The following CSMD1 variants were observed in gnomAD, a reference collection of about 807,000 sequenced individuals.
CSMD1 encodes the protein CUB and sushi domain-containing protein 1.
Under a neutral mutation model 417.5 loss-of-function variants are expected in CSMD1, and 213 were observed. The ratio of observed to expected loss-of-function variants is 0.51; its 90% confidence interval spans 0.46 to 0.57. CSMD1 has a LOEUF of 0.57. Among genes scored for constraint, CSMD1 ranks in the 20% least tolerant of loss-of-function variants. CSMD1 has a pLI of 0.00. For missense variants in CSMD1, 6,923 were observed against 4,529.7 expected, an observed-to-expected ratio of 1.53 and a Z score of -15.17; for synonymous variants, 2,862 against 1,736.8, an observed-to-expected ratio of 1.65 and a Z score of -16.11.
intron 1 of CSMD1, among the ~76,000 whole-genome samples, chr8:4,934,410 G>T (rs779584707): frequency 9.2e-5 from 14 of 152,098 alleles, no homozygotes; most frequent in East Asian, 5.8e-4. Context: ...AATTCAGGAA[G>T]GCATTCTATC....
chr8:4,932,460 A>G (rs1440272055), intron 1 of CSMD1, among the ~76,000 whole-genome samples: 1 of 152,198 alleles, frequency 6.6e-6, no homozygotes, highest in Non-Finnish European at 1.5e-5. Context: ...TGTCTTAAAG[A>G]GAAATAATAT....
rs184961975 is a variant in CSMD1, at chr8:4,397,072, G to A, written c.415+22881C>T. Among the ~76,000 whole-genome samples, 626 of 151,866 alleles carry A rather than the reference G, an allele frequency of 4.1e-3. 4 individuals are homozygous for A. Among genetic ancestry groups the A allele is most frequent in the African/African-American group, 0.014 (594 of 41,416 alleles). ...AAAATTATTACCCTTCTCAAATTAT[G>A]CACACTTCCCCATCTCTCTTTTCCC... On this transcript the variant is annotated intron_variant, in intron 3 of 69. Transcript: ENST00000635120.
chr8:3,753,937 C>A lies in CSMD1; in HGVS notation c.924G>T (p.Gln308His), dbSNP rs774679523. 6.2e-6 allele frequency: 10 copies of A among 1,605,440 alleles called. No homozygotes were observed. In the Admixed American group the frequency reaches 1.0e-4, roughly 16 times the overall value. Residue 308 changes from glutamine (Q) to histidine (H), a missense_variant, in exon 6 of 70, where the codon CAG (glutamine) becomes CAT (histidine). Coordinates refer to ENST00000635120, the MANE Select transcript of CSMD1 (RefSeq NM_033225.6). ...AAGATGGAGCATCCTTACCTTGGAA[C>A]TGAGCGTTAAATCCTTTGCGTCGGT... ...SNHRRKGFNA[Q>H]FQVKKAIELK...
At chr8:3,782,079 A>G (rs1799214956) in intron 5 of CSMD1, among the ~76,000 whole-genome samples, 2 of 152,222 alleles carry the variant, frequency 1.3e-5, no homozygotes, top group Non-Finnish European at 2.9e-5. Flanking sequence ...AGAGTTTGAT[A>G]AAATAAACAA....
intron 1 of CSMD1, among the ~76,000 whole-genome samples, chr8:4,780,064 T>C (rs1283299621): frequency 6.6e-6 from 1 of 152,212 alleles, no homozygotes; most frequent in Non-Finnish European, 1.5e-5. Context: ...ATGGGGCACG[T>C]ACTTCAGGAT....
intron 2 of CSMD1, among the ~76,000 whole-genome samples, chr8:4,601,954 G>A (rs1275542795): frequency 6.6e-6 from 1 of 152,068 alleles, no homozygotes. Context: ...AGGTGCTGGA[G>A]GAACCTCCTC....
chr8:3,661,068 G>T (rs1420941883), intron 7 of CSMD1, among the ~76,000 whole-genome samples: 1 of 152,162 alleles, frequency 6.6e-6, no homozygotes, highest in Non-Finnish European at 1.5e-5. Context: ...GCTCAGAGAA[G>T]GAGAAAACAA....
chr8:4,842,122 C>A lies in CSMD1; in HGVS notation c.85+152210G>T, dbSNP rs191349664. Among the ~76,000 whole-genome samples, 298 of 152,230 alleles carry A rather than the reference C, an allele frequency of 2.0e-3. 1 individual carries two copies. Among genetic ancestry groups the A allele is most frequent in the African/African-American group, 7.0e-3 (289 of 41,544 alleles). On this transcript the variant is annotated intron_variant, in intron 1 of 69. Coordinates refer to ENST00000635120, the MANE Select transcript of CSMD1 (RefSeq NM_033225.6). ...ATGAGAGATGTAAAAAGGTGCAAGGCACCAGCCAAACCGCCTTAGAACTTG... is the reference window on the plus strand; with the variant it reads ...ATGAGAGATGTAAAAAGGTGCAAGGAACCAGCCAAACCGCCTTAGAACTTG...
intron 53 of CSMD1, among the ~76,000 whole-genome samples, chr8:2,999,400 T>G (rs1431452250): frequency 1.3e-5 from 2 of 152,134 alleles, no homozygotes; most frequent in Non-Finnish European, 2.9e-5. Flanking sequence ...GTGATCCACC[T>G]GCCTCAGCCT....
At chr8:3,871,973 T>A (rs1291408542) in intron 5 of CSMD1, among the ~76,000 whole-genome samples, 1 of 152,224 alleles carries the variant, frequency 6.6e-6, no homozygotes, top group African/African-American at 2.4e-5. Context: ...ATTTGTGAGC[T>A]ACAAACCTGC....
intron 18 of CSMD1, among the ~76,000 whole-genome samples, chr8:3,372,496 G>A (rs979637644): frequency 1.3e-5 from 2 of 152,156 alleles, no homozygotes; most frequent in African/African-American, 4.8e-5. Flanking sequence ...CCGAACCAGG[G>A]CATTGGCAGC....
intron 3 of CSMD1, among the ~76,000 whole-genome samples, chr8:4,113,352 G>A (rs1418853530): frequency 1.4e-5 from 2 of 147,468 alleles, no homozygotes; most frequent in Non-Finnish European, 3.0e-5. Flanking sequence ...GCCAAGCTGT[G>A]AGTGCAAATA....
intron 11 of CSMD1, among the ~76,000 whole-genome samples, chr8:3,487,604 G>C (rs1448494437): frequency 6.6e-6 from 1 of 152,080 alleles, no homozygotes; most frequent in Non-Finnish European, 1.5e-5. Flanking sequence ...GGGTAAATTT[G>C]GTGTATAAAT....
intron 37 of CSMD1, among the ~76,000 whole-genome samples, chr8:3,176,030 G>T (rs961202490): frequency 6.6e-6 from 1 of 152,098 alleles, no homozygotes; most frequent in Non-Finnish European, 1.5e-5. Flanking sequence ...ATTTTGGATA[G>T]ATGTCATTAG....
intron 3 of CSMD1, among the ~76,000 whole-genome samples, chr8:4,206,965 G>C (rs1800015937): frequency 6.6e-6 from 1 of 152,216 alleles, no homozygotes; most frequent in East Asian, 1.9e-4. Flanking sequence ...ATTTCATATA[G>C]ATGTGGATAA....
intron 3 of CSMD1, among the ~76,000 whole-genome samples, chr8:4,043,923 G>A (rs1013287727): frequency 6.6e-6 from 1 of 152,058 alleles, no homozygotes; most frequent in Non-Finnish European, 1.5e-5. Context: ...ATAGACCTAT[G>A]ATATTTCCAC....
chr8:3,631,454 T>C (rs1248623511), intron 7 of CSMD1, among the ~76,000 whole-genome samples: 2 of 152,110 alleles, frequency 1.3e-5, no homozygotes, highest in African/African-American at 4.8e-5. Flanking sequence ...AGGTCAAGAA[T>C]AGGCAGATAA....
chr8:3,220,972 T>C (rs536474686), intron 28 of CSMD1, among the ~76,000 whole-genome samples: 1 of 152,308 alleles, frequency 6.6e-6, no homozygotes, highest in Admixed American at 6.5e-5. Context: ...CTCCCTTTCC[T>C]TTCCAACTGC....
intron 3 of CSMD1, among the ~76,000 whole-genome samples, chr8:4,057,317 T>C (rs561825478): frequency 6.6e-6 from 1 of 152,228 alleles, no homozygotes; most frequent in East Asian, 1.9e-4. Context: ...GCTTTTTGGC[T>C]GCATAAATGT....
Sources: allele counts gnomAD v4.1 joint callset (sites outside exome capture counted in the v4.1 genomes callset), GRCh38; gene constraint gnomAD v4.1.1; transcripts MANE v1.5; gene names NCBI Gene and HGNC (gene_info 2026-07-23, HGNC 2026-07-21).